ITGAD: variants seen among roughly 807,000 people sequenced by gnomAD.
The protein encoded by ITGAD is integrin subunit alpha D, also known as integrin alpha-D.
Under a neutral mutation model 139.0 loss-of-function variants are expected in ITGAD, and 105 were observed. The observed-to-expected ratio is 0.76, with a 90% CI of 0.65 to 0.89. The LOEUF is 0.89. Ranked by LOEUF, ITGAD falls within the 40% of genes least tolerant of loss-of-function variation. The probability of loss-of-function intolerance (pLI) is 0.00; values close to 1 mark genes in which losing one functional copy is unlikely to be tolerated. For synonymous variants in ITGAD, 569 were observed against 598.3 expected, an observed-to-expected ratio of 0.95 and a Z score of 0.71; for missense variants, 1,384 against 1,487.3, an observed-to-expected ratio of 0.93 and a Z score of 1.14.
intron 7 of ITGAD, 32 bp from the exon 8 acceptor site, chr16:31,407,483 C>T (rs781322654): frequency 1.1e-5 from 17 of 1,545,080 alleles, no homozygotes; most frequent in Middle Eastern, 1.7e-4. Flanking sequence ...AATCACATCT[C>T]AGTAGAGTCA....
chr16:31,394,850 G>A (rs1239131365), intron 2 of ITGAD, among the ~76,000 whole-genome samples: 2 of 152,032 alleles, frequency 1.3e-5, no homozygotes, highest in Admixed American at 1.3e-4. Context: ...GTTTTGTTTT[G>A]TTTTACTTTT....
chr16:31,406,186 T>C (rs12164975), intron 7 of ITGAD, among the ~76,000 whole-genome samples: 2,175 of 152,248 alleles, frequency 0.014, 57 homozygotes, highest in African/African-American at 0.05. Context: ...ACAATTCTCC[T>C]GCCTCAGCCT....
chr16:31,414,684 C>A, intron 17 of ITGAD, 79 bp downstream of exon 17: 1 of 1,585,532 alleles, frequency 6.3e-7, no homozygotes, highest in Non-Finnish European at 8.6e-7. Context: ...CTCTGCTGAG[C>A]GAGGTGGGAA....
chr16:31,424,759 G>A (rs1039664685), intron 29 of ITGAD, 182 bp downstream of exon 29: 8 of 451,232 alleles, frequency 1.8e-5, no homozygotes, highest in Non-Finnish European at 3.1e-5. Context: ...CACCATGCCC[G>A]GCTAGTTTTT....
At chr16:31,399,873 C>A (rs1191005011) in intron 5 of ITGAD, among the ~76,000 whole-genome samples, 1 of 151,980 alleles carries the variant, frequency 6.6e-6, no homozygotes, top group Non-Finnish European at 1.5e-5. Flanking sequence ...GCGGGCAGGC[C>A]CATTCTCATT....
At chr16:31,407,387 C>G in intron 7 of ITGAD, 128 bp from the exon 8 acceptor site, 1 of 908,566 alleles carries the variant, frequency 1.1e-6, no homozygotes, top group Non-Finnish European at 1.7e-6. Context: ...AAATCAATTC[C>G]TTAACATGCC....
At position 31,412,010 on chromosome 16, in the gene ITGAD, G is replaced by A. The variant is rs150232553; in HGVS notation, c.1707+493G>A. Among the ~76,000 whole-genome samples, 48 of 151,788 alleles carry A rather than the reference G, an allele frequency of 3.2e-4. No individual in the cohort carries two copies. In the East Asian group the frequency reaches 7.0e-3, roughly 22 times the overall value. On this transcript the variant is annotated intron_variant, in intron 14 of 29. Coordinates refer to ENST00000389202, the MANE Select transcript of ITGAD (RefSeq NM_005353.3). Reference sequence around the variant, plus strand: ...CCAACCTGCACCCTCATGACGGGTTGGACCCAAAGAGCCCCCTTCTCTGTT... The same window carrying A: ...CCAACCTGCACCCTCATGACGGGTTAGACCCAAAGAGCCCCCTTCTCTGTT...
At chr16:31,415,772 C>G (rs1329299676) in intron 18 of ITGAD, among the ~76,000 whole-genome samples, 2 of 152,228 alleles carry the variant, frequency 1.3e-5, no homozygotes, top group Admixed American at 1.3e-4. Flanking sequence ...TCTCTGGTCC[C>G]TGTTACACCA....
In ITGAD at chr16:31,423,107, T is replaced by C. The variant is rs2082038638; in HGVS notation, c.2781-7T>C. 2.5e-6 allele frequency: 4 copies of C among 1,613,410 alleles called. 1 individual carries two copies. Among genetic ancestry groups the C allele is most frequent in the South Asian group, 2.2e-5 (2 of 91,076 alleles). On this transcript the variant is annotated splice_polypyrimidine_tract_variant and splice_region_variant and intron_variant, in intron 23 of 29. Transcript: ENST00000389202. ...GGCTGTTTTTCACCCACAGGCTCTC[T>C]CTCCAGGCAGGAAGAATCCACCAAG...
intron 23 of ITGAD, among the ~76,000 whole-genome samples, chr16:31,420,895 ATTAAG>A (rs901651568): frequency 2.0e-5 from 3 of 151,896 alleles, no homozygotes; most frequent in Non-Finnish European, 2.9e-5. Context: ...CTTCTGATGT[ATTAAG>A]TTGTTAGGGG....
At chr16:31,415,086 C>T in intron 18 of ITGAD, 95 bp downstream of exon 18, 1 of 1,439,318 alleles carries the variant, frequency 6.9e-7, no homozygotes, top group East Asian at 2.3e-5. Context: ...CCAACCACAT[C>T]CAGTCCAGAA....
intron 10 of ITGAD, 86 bp downstream of exon 10, chr16:31,408,584 C>T: frequency 8.5e-7 from 1 of 1,179,136 alleles, no homozygotes; most frequent in South Asian, 1.3e-5. Context: ...CAGACATAAA[C>T]AAGAGCAGAC....
rs767653235 is a variant in ITGAD, at chr16:31,411,049, C to T, written c.1357-27C>T. On this transcript the variant is annotated intron_variant, in intron 12 of 29. Coordinates refer to ENST00000389202, the MANE Select transcript of ITGAD (RefSeq NM_005353.3). The stretch of plus-strand genomic sequence containing the variant: ...CAGGGCTGCCTCTGGCTGGGACAGG[C>T]AGCATGACCCAGGCTCTGCCCTCCA... 1.9e-6 allele frequency: 3 copies of T among 1,611,012 alleles called. No homozygotes were observed. The East Asian group carries it at 6.7e-5, about 36-fold the overall frequency.
intron 10 of ITGAD, among the ~76,000 whole-genome samples, chr16:31,408,867 C>T (rs1464361255): frequency 6.6e-6 from 1 of 152,134 alleles, no homozygotes; most frequent in African/African-American, 2.4e-5. Context: ...GAGGCAGGAC[C>T]CAGGTCCTCG....
chr16:31,423,215 T>A (rs769003870), intron 24 of ITGAD, 23 bp downstream of exon 24: 1 of 1,608,026 alleles, frequency 6.2e-7, no homozygotes, highest in South Asian at 1.1e-5. Flanking sequence ...GGAGTATCCA[T>A]GTCTGCCTTC....
intron 23 of ITGAD, among the ~76,000 whole-genome samples, chr16:31,422,900 C>A (rs552360873): frequency 6.6e-6 from 1 of 152,184 alleles, no homozygotes; most frequent in East Asian, 1.9e-4. Context: ...GATGTTGCCC[C>A]AGCTGGTCTG....
intron 19 of ITGAD, 30 bp downstream of exon 19, chr16:31,416,316 A>G: frequency 6.3e-7 from 1 of 1,576,346 alleles, no homozygotes; most frequent in Non-Finnish European, 8.7e-7. Flanking sequence ...ATATCCAGAC[A>G]CTCAGGCTTC....
intron 18 of ITGAD, among the ~76,000 whole-genome samples, chr16:31,415,359 C>A (rs895728492): frequency 1.3e-5 from 2 of 152,164 alleles, no homozygotes; most frequent in African/African-American, 4.8e-5. Flanking sequence ...CTGCGTAATC[C>A]CCCTTGCATT....
intron 1 of ITGAD, among the ~76,000 whole-genome samples, 190 bp from the exon 2 acceptor site, chr16:31,394,046 G>A (rs910589943): frequency 1.3e-5 from 2 of 149,516 alleles, no homozygotes; most frequent in African/African-American, 5.0e-5. Context: ...CAAGAGAATC[G>A]CTTGAACCCA....
Sources: allele counts gnomAD v4.1 joint callset (sites outside exome capture counted in the v4.1 genomes callset), GRCh38; gene constraint gnomAD v4.1.1; transcripts MANE v1.5; gene names NCBI Gene and HGNC (gene_info 2026-07-23, HGNC 2026-07-21).